Variants in PRDM5 observed in about 807,000 individuals in gnomAD.
PRDM5 encodes the protein PR/SET domain 5.
In PRDM5, 56 loss-of-function variants were observed where a neutral mutation model predicts 81.2. The ratio of observed to expected loss-of-function variants is 0.69; its 90% CI spans 0.56 to 0.86. PRDM5 has a LOEUF of 0.86. PRDM5 is among the 40% of genes least tolerant of loss of function. PRDM5 has a pLI of 0.00. For synonymous variants in PRDM5, 267 were observed against 256.4 expected, an observed-to-expected ratio of 1.04 and a Z score of -0.39; for missense variants, 697 against 770.1, an observed-to-expected ratio of 0.91 and a Z score of 1.12.
chr4:120,748,899 G>A (rs1191211201), intron 14 of PRDM5, among the ~76,000 whole-genome samples: 2 of 152,098 alleles, frequency 1.3e-5, no homozygotes, highest in Admixed American at 1.3e-4. Context: ...TTCACATAGG[G>A]CCTCTAAATA....
rs376707809 is a variant in PRDM5 at position 120,853,401 on chromosome 4, G to A, written c.300+17C>T. The A allele has an allele frequency of 9.4e-5, 152 of 1,613,564 alleles. No homozygotes were observed. Among genetic ancestry groups the A allele is most frequent in the Admixed American group, 1.7e-4 (10 of 59,992 alleles). ...CCCTCACAGTGCATAGTACAAATGA[G>A]AAGCAAATAAGCTCACTTGAATGGC... On this transcript the variant is annotated intron_variant, in intron 3 of 15. Transcript: ENST00000264808.
chr4:120,847,096 C>T (rs897371210), intron 3 of PRDM5, among the ~76,000 whole-genome samples: 1 of 152,168 alleles, frequency 6.6e-6, no homozygotes, highest in African/African-American at 2.4e-5. Context: ...TTATTCCATC[C>T]TTACATAAAG....
chr4:120,798,850 C>T (rs891663870), intron 9 of PRDM5, among the ~76,000 whole-genome samples: 1 of 152,100 alleles, frequency 6.6e-6, no homozygotes, highest in African/African-American at 2.4e-5. Context: ...TCGGCAGGAA[C>T]CAGATATTTA....
At chr4:120,744,091 C>A (rs1327353530) in intron 14 of PRDM5, among the ~76,000 whole-genome samples, 1 of 152,192 alleles carries the variant, frequency 6.6e-6, no homozygotes, top group African/African-American at 2.4e-5. Flanking sequence ...TCTCAGACCA[C>A]AGTGCAATCA....
intron 10 of PRDM5, among the ~76,000 whole-genome samples, chr4:120,789,432 G>A (rs1246678090): frequency 2.0e-5 from 3 of 152,022 alleles, no homozygotes; most frequent in Admixed American, 6.6e-5. Context: ...ATTACTCCAT[G>A]GTAAAAGTAT....
At chr4:120,706,030 T>C (rs773212679) in intron 15 of PRDM5, among the ~76,000 whole-genome samples, 21 of 151,850 alleles carry the variant, frequency 1.4e-4, no homozygotes, top group Non-Finnish European at 2.1e-4. Context: ...TTACAGGGTG[T>C]GAGTGAAAGC....
At chr4:120,907,163 C>T (rs1248337103) in intron 2 of PRDM5, among the ~76,000 whole-genome samples, 2 of 151,878 alleles carry the variant, frequency 1.3e-5, no homozygotes, top group Non-Finnish European at 2.9e-5. Flanking sequence ...GGCAAAACCC[C>T]GTCTCAACTA....
intron 1 of PRDM5, among the ~76,000 whole-genome samples, chr4:120,916,386 C>CATAAATAAATAA (rs5861497): frequency 9.5e-5 from 14 of 146,960 alleles, no homozygotes; most frequent in Admixed American, 2.7e-4. Flanking sequence ...GACTGTATCT[C>CATAAATAAATAA]ATAAATAAAT....
At chr4:120,793,666 C>T (rs1038047545) in intron 10 of PRDM5, among the ~76,000 whole-genome samples, 1 of 152,140 alleles carries the variant, frequency 6.6e-6, no homozygotes. Context: ...AAAATTGTAT[C>T]TATATGGTGT....
intron 14 of PRDM5, among the ~76,000 whole-genome samples, chr4:120,711,089 C>T (rs1736913153): frequency 6.6e-6 from 1 of 152,158 alleles, no homozygotes; most frequent in African/African-American, 2.4e-5. Flanking sequence ...CTGCTTAACA[C>T]TTCTAGGTCA....
chr4:120,833,088 T>C (rs143846037), intron 3 of PRDM5, among the ~76,000 whole-genome samples: 4 of 152,250 alleles, frequency 2.6e-5, no homozygotes, highest in African/African-American at 7.2e-5. Context: ...ACAGGCTGAA[T>C]AACAGTACAG....
intron 3 of PRDM5, among the ~76,000 whole-genome samples, chr4:120,823,131 GT>G (rs1216427958): frequency 1.3e-5 from 2 of 152,064 alleles, no homozygotes; most frequent in Non-Finnish European, 2.9e-5. Context: ...ATAAATATTA[GT>G]GTTTATCTGA....
At chr4:120,892,088 G>T (rs935825510) in intron 2 of PRDM5, among the ~76,000 whole-genome samples, 2 of 152,044 alleles carry the variant, frequency 1.3e-5, no homozygotes, top group Non-Finnish European at 2.9e-5. Flanking sequence ...TCAGGAGCAA[G>T]TTGTTTAATT....
chr4:120,917,758 A>G (rs1724373148), intron 1 of PRDM5, among the ~76,000 whole-genome samples: 1 of 151,584 alleles, frequency 6.6e-6, no homozygotes, highest in Admixed American at 6.6e-5. Context: ...GAGATGATGA[A>G]GTGAGTTTAC....
At chr4:120,827,782 C>G (rs1324522038) in intron 3 of PRDM5, among the ~76,000 whole-genome samples, 1 of 152,072 alleles carries the variant, frequency 6.6e-6, no homozygotes, top group African/African-American at 2.4e-5. Context: ...ACTGTAGAAG[C>G]CAGCCAGATG....
At chr4:120,860,903 T>C (rs1245473253) in intron 2 of PRDM5, among the ~76,000 whole-genome samples, 1 of 152,236 alleles carries the variant, frequency 6.6e-6, no homozygotes, top group Non-Finnish European at 1.5e-5. Context: ...CAACGATTCA[T>C]AAGACTTTAA....
rs980275586 is a variant in PRDM5, at chr4:120,742,633, C to T, written c.1623+11920G>A. On this transcript the variant is annotated intron_variant, in intron 14 of 15. Transcript: ENST00000264808. ...AGGCTTGAGAACTACGTGAAGAATG[C>T]AAAAGCCTCAGGAGCCGAAGCGATC... Among the ~76,000 whole-genome samples, 4 of 152,106 alleles carry T rather than the reference C, an allele frequency of 2.6e-5. No homozygotes were observed. In the South Asian group the frequency reaches 8.3e-4, roughly 32 times the overall value.
intron 2 of PRDM5, among the ~76,000 whole-genome samples, chr4:120,900,121 C>T (rs926014442): frequency 1.3e-5 from 2 of 152,136 alleles, no homozygotes; most frequent in Non-Finnish European, 1.5e-5. Context: ...ATCTGGAAAC[C>T]CTCAGAACAC....
chr4:120,834,380 T>G (rs1050242420), intron 3 of PRDM5, among the ~76,000 whole-genome samples: 1 of 152,114 alleles, frequency 6.6e-6, no homozygotes, highest in Non-Finnish European at 1.5e-5. Context: ...GAGAGCTCCC[T>G]TACTTTCTTG....
Sources: gnomAD v4.1 joint callset for allele counts (sites outside exome capture counted in the v4.1 genomes callset) on GRCh38, gnomAD v4.1.1 for gene constraint, MANE v1.5 for transcripts, NCBI Gene and HGNC (gene_info 2026-07-23, HGNC 2026-07-21) for gene names.